The following SLC4A4 variants were observed in gnomAD, a reference collection of about 807,000 sequenced individuals.
SLC4A4 encodes electrogenic sodium bicarbonate cotransporter 1.
SLC4A4 carries 27 observed loss-of-function variants against 111.5 expected under a neutral mutation model. The observed-to-expected ratio is 0.24, with a 90% CI of 0.18 to 0.33. SLC4A4 has a LOEUF of 0.33. Among genes scored for constraint, SLC4A4 ranks in the 10% least tolerant of loss-of-function variants. The pLI is 1.00. For synonymous variants in SLC4A4, 443 were observed against 463.4 expected, an observed-to-expected ratio of 0.96 and a Z score of 0.57; for missense variants, 909 against 1,315.5, an observed-to-expected ratio of 0.69 and a Z score of 4.78.
chr4:71,524,319 G>C (rs1733226558), intron 16 of SLC4A4, among the ~76,000 whole-genome samples: 1 of 152,094 alleles, frequency 6.6e-6, no homozygotes, highest in Non-Finnish European at 1.5e-5. Flanking sequence ...TACACACATT[G>C]GGTTTCTTGT....
chr4:71,248,733 TTTATAGAG>T (rs1428454088), intron 2 of SLC4A4, among the ~76,000 whole-genome samples: 1 of 152,202 alleles, frequency 6.6e-6, no homozygotes, highest in Non-Finnish European at 1.5e-5. Context: ...TAATTCAGAC[TTTATAGAG>T]TGCCAGTCAG....
chr4:71,068,659 T>C (rs1282854846), intron 1 of SLC4A4, among the ~76,000 whole-genome samples: 1 of 151,996 alleles, frequency 6.6e-6, no homozygotes, highest in Non-Finnish European at 1.5e-5. Flanking sequence ...CCTCTCAGTG[T>C]CAAGTGATCC....
Position 71,479,206 on chromosome 4 carries a change from C to T in SLC4A4, c.1903+6236C>T, listed in dbSNP as rs911206868. On this transcript the variant is annotated intron_variant, in intron 14 of 25. Transcript: ENST00000264485. ...TAAGTAAGGTGAGTAAATTCTTTCT[C>T]AGGAACCAAGTGCATCCCTGTCTAT... 9.2e-5 allele frequency among the ~76,000 whole-genome samples: 14 copies of T among 151,790 alleles called. No individual in the cohort carries two copies. In the East Asian group the frequency reaches 2.0e-3, roughly 21 times the overall value.
chr4:71,515,866 T>C (rs914616342), intron 16 of SLC4A4, among the ~76,000 whole-genome samples: 2 of 152,026 alleles, frequency 1.3e-5, no homozygotes, highest in African/African-American at 4.8e-5. Flanking sequence ...ACTGGTAAGG[T>C]GAGTTTCTTA....
chr4:71,283,165 G>A (rs1723655901), intron 3 of SLC4A4, among the ~76,000 whole-genome samples: 1 of 152,108 alleles, frequency 6.6e-6, no homozygotes, highest in African/African-American at 2.4e-5. Flanking sequence ...CTGCTGATTT[G>A]TTTTATATTT....
chr4:71,304,182 A>G (rs1327891295), intron 3 of SLC4A4, among the ~76,000 whole-genome samples: 1 of 152,212 alleles, frequency 6.6e-6, no homozygotes, highest in Admixed American at 6.5e-5. Flanking sequence ...ATATGGAGAT[A>G]TACATGTGCG....
At chr4:71,286,851 T>C (rs1036137229) in intron 3 of SLC4A4, among the ~76,000 whole-genome samples, 1 of 152,222 alleles carries the variant, frequency 6.6e-6, no homozygotes, top group African/African-American at 2.4e-5. Flanking sequence ...ATTCTGAAAT[T>C]CATTCTCTCT....
intron 1 of SLC4A4, among the ~76,000 whole-genome samples, chr4:71,082,751 C>A (rs995942327): frequency 5.9e-5 from 9 of 151,960 alleles, no homozygotes; most frequent in Non-Finnish European, 1.3e-4. Flanking sequence ...GTATGTAACT[C>A]CCTGAGTCAT....
At chr4:71,464,472 G>A (rs974597208) in intron 12 of SLC4A4, among the ~76,000 whole-genome samples, 3 of 152,070 alleles carry the variant, frequency 2.0e-5, no homozygotes, top group African/African-American at 4.8e-5. Flanking sequence ...GTCTCTCTAC[G>A]GAATGGCTAT....
At position 71,447,683 on chromosome 4, in the gene SLC4A4, A is replaced by G. The variant is rs1197797653; in HGVS notation, c.1003A>G (p.Lys335Glu). 1 of 1,613,316 alleles carries G rather than the reference A, an allele frequency of 6.2e-7. No homozygotes were observed. Among genetic ancestry groups the G allele is most frequent in the South Asian group, 1.1e-5 (1 of 91,020 alleles). ...TCTCTTAGGTCCTAAGGGGAAAGCC[A>G]AGTCCTACCACGAGATTGGCAGAGC... Reference protein sequence around the residue: ...FILLGPKGKAKSYHEIGRAIA... With the variant: ...FILLGPKGKAESYHEIGRAIA... Residue 335 changes from lysine to glutamate, a missense_variant, in exon 9 of 26, where the codon AAG (lysine) becomes GAG (glutamate). Physicochemically the swap from Lys to Glu is moderately conservative, Grantham distance 56 (BLOSUM62 1). This residue lies in a region of SLC4A4 where 312 missense variants were observed against 402.0 expected (regional missense o/e 0.78). Coordinates refer to ENST00000264485, the MANE Select transcript of SLC4A4 (RefSeq NM_001098484.3).
At chr4:71,237,717 A>G (rs367919135) in intron 2 of SLC4A4, among the ~76,000 whole-genome samples, 1 of 152,270 alleles carries the variant, frequency 6.6e-6, no homozygotes, top group South Asian at 2.1e-4. Context: ...TAGTGTGGCT[A>G]TCATGTTGTT....
Position 71,552,853 on chromosome 4 carries a change from T to A in SLC4A4, c.2695-2287T>A, listed in dbSNP as rs1736145145. On this transcript the variant is annotated intron_variant, in intron 20 of 25. Coordinates refer to ENST00000264485, the MANE Select transcript of SLC4A4 (RefSeq NM_001098484.3). ...TGTAAAAATATCTACCTACTATTAC[T>A]ATGTAAATTATACTGGTTTAACTTA... 3.3e-5 allele frequency among the ~76,000 whole-genome samples: 5 copies of A among 151,590 alleles called. No individual in the cohort carries two copies. The South Asian group carries it at 1.0e-3, about 32-fold the overall frequency.
At chr4:71,232,062 C>T (rs1424054710) in intron 1 of SLC4A4, among the ~76,000 whole-genome samples, 5 of 152,296 alleles carry the variant, frequency 3.3e-5, no homozygotes, top group South Asian at 4.1e-4. Flanking sequence ...GTGAGGGCTG[C>T]TCTGGAGAAA....
intron 2 of SLC4A4, among the ~76,000 whole-genome samples, chr4:71,179,932 C>A (rs1745232795): frequency 6.6e-6 from 1 of 152,176 alleles, no homozygotes; most frequent in South Asian, 2.1e-4. Flanking sequence ...GGAGGCATCA[C>A]ACTACCTGAC....
rs551730353 is a variant in SLC4A4 at position 71,100,276 on chromosome 4, C to T, written c.-2+7484C>T. Among the ~76,000 whole-genome samples, 7 of 152,030 alleles carry T rather than the reference C, an allele frequency of 4.6e-5. No homozygotes were observed. The East Asian group carries it at 9.7e-4, about 21-fold the overall frequency. On this transcript the variant is annotated intron_variant, in intron 2 of 26. Coordinates refer to the SLC4A4 transcript ENST00000649996. ...ATCACGATCAAATAGACTTCATACC[C>T]AGGATGCAAGATTGGGTCAACATAC...
At chr4:71,206,276 G>A (rs1578593656) in intron 1 of SLC4A4, among the ~76,000 whole-genome samples, 1 of 148,162 alleles carries the variant, frequency 6.7e-6, no homozygotes, top group African/African-American at 2.5e-5. Flanking sequence ...AAAGACTAGG[G>A]TATTTTAATT....
intron 1 of SLC4A4, among the ~76,000 whole-genome samples, chr4:71,226,963 A>G (rs566845559): frequency 2.6e-5 from 4 of 152,222 alleles, no homozygotes; most frequent in African/African-American, 9.6e-5. Flanking sequence ...GAAAGACAGT[A>G]TTTGCTCTCA....
chr4:71,456,320 G>C (rs956659048), intron 12 of SLC4A4, among the ~76,000 whole-genome samples: 1 of 151,944 alleles, frequency 6.6e-6, no homozygotes, highest in Admixed American at 6.6e-5. Flanking sequence ...ACAGTAAGTG[G>C]CAAAAACACT....
intron 3 of SLC4A4, among the ~76,000 whole-genome samples, chr4:71,327,482 A>G (rs576818823): frequency 4.0e-4 from 61 of 152,104 alleles, no homozygotes; most frequent in African/African-American, 1.4e-3. Flanking sequence ...CCTTCTTAGG[A>G]TGCATTTTCC....
Sources: allele counts gnomAD v4.1 joint callset (sites outside exome capture counted in the v4.1 genomes callset), GRCh38; gene constraint gnomAD v4.1.1; regional missense constraint gnomAD v4.1.1; transcripts MANE v1.5; gene names NCBI Gene and HGNC (gene_info 2026-07-23, HGNC 2026-07-21).